CUX1: variants seen among roughly 807,000 people sequenced by gnomAD.
The protein encoded by CUX1 is protein CASP.
Under a neutral mutation model 158.8 loss-of-function variants are expected in CUX1, and 31 were observed. The observed-to-expected ratio is 0.20, with a 90% CI of 0.15 to 0.26. The LOEUF is 0.26. Among genes scored for constraint, CUX1 ranks in the 10% least tolerant of loss-of-function variants. The probability of loss-of-function intolerance (pLI) is 1.00; values close to 1 mark genes in which losing one functional copy is unlikely to be tolerated. For synonymous variants in CUX1, 879 were observed against 862.1 expected (o/e 1.02, Z -0.34); for missense variants, 1,589 against 2,014.6 (o/e 0.79, Z 4.04).
rs76797797 is a variant in CUX1 at position 101,878,065 on chromosome 7, C to G, written c.31-38050C>G. ...ACTTAGCAGTTTACACCCCTTCCCTCCAGCACTGGCTGCAGAGAGCCCTGT... is the reference window on the plus strand; with the variant it reads ...ACTTAGCAGTTTACACCCCTTCCCTGCAGCACTGGCTGCAGAGAGCCCTGT... On this transcript the variant is annotated intron_variant, in intron 1 of 23. Transcript: ENST00000292535. 8.1e-3 allele frequency among the ~76,000 whole-genome samples: 1,236 copies of G among 152,302 alleles called. 14 individuals carry two copies. Among genetic ancestry groups the G allele is most frequent in the African/African-American group, 0.028 (1,150 of 41,558 alleles).
rs1554503839 is a variant in CUX1 at position 102,152,417 on chromosome 7, T to TTGTTTTTG, written c.675-6142_675-6141insGTTTTTGT. On this transcript the variant is annotated intron_variant, in intron 8 of 23. Transcript: ENST00000292535. ...AACATACAGATTTTTGTTTGTTTGT[T>TTGTTTTTG]TTTGTTTGTTTGTTTTTTTGAGACA... Among the ~76,000 whole-genome samples the TTGTTTTTG allele has an allele frequency of 3.0e-3, 458 of 152,160 alleles. 3 individuals carry two copies. Among genetic ancestry groups the TTGTTTTTG allele is most frequent in the African/African-American group, 0.011 (445 of 41,490 alleles).
At chr7:102,117,357 C>CT (rs1222317714) in intron 8 of CUX1, among the ~76,000 whole-genome samples, 19 of 146,074 alleles carry the variant, frequency 1.3e-4, no homozygotes, top group African/African-American at 4.7e-4. Flanking sequence ...GAGATAGCAC[C>CT]ACTGCACCCC....
At position 102,097,360 on chromosome 7, in the gene CUX1, G is replaced by A. The variant is rs1554484559; in HGVS notation, c.269-4G>A. 6 of 1,606,846 alleles carry A rather than the reference G, an allele frequency of 3.7e-6. No individual in the cohort carries two copies. In the South Asian group the frequency reaches 4.5e-5, roughly 12 times the overall value. On this transcript the variant is annotated splice_region_variant and splice_polypyrimidine_tract_variant and intron_variant, in intron 4 of 23. Coordinates refer to ENST00000292535, the MANE Select transcript of CUX1 (RefSeq NM_181552.4). Reference sequence around the variant, plus strand: ...GGGGTGATGGCTGTTTTCCTGTTGTGCAGATCCCGTACCAGCTTTGGATCT... The same window carrying A: ...GGGGTGATGGCTGTTTTCCTGTTGTACAGATCCCGTACCAGCTTTGGATCT...
chr7:101,965,952 C>T (rs1263945207), intron 2 of CUX1, among the ~76,000 whole-genome samples: 2 of 148,554 alleles, frequency 1.3e-5, no homozygotes, highest in African/African-American at 5.0e-5. Flanking sequence ...CAGTTGGAAA[C>T]AAGCCAGCAG....
At chr7:102,115,142 A>G (rs1831307345) in intron 7 of CUX1, 65 bp from the exon 8 acceptor site, 4 of 1,363,258 alleles carry the variant, frequency 2.9e-6, no homozygotes, top group South Asian at 1.3e-5. Context: ...AAATGGGAAT[A>G]GATTACCTGT....
chr7:102,039,327 C>T (rs573292686), intron 3 of CUX1, among the ~76,000 whole-genome samples: 1 of 152,268 alleles, frequency 6.6e-6, no homozygotes, highest in East Asian at 1.9e-4. Flanking sequence ...TTGGTGTGCT[C>T]TGATACTGCT....
intron 2 of CUX1, among the ~76,000 whole-genome samples, chr7:101,951,033 G>T (rs1808999132): frequency 6.6e-6 from 1 of 152,126 alleles, no homozygotes; most frequent in African/African-American, 2.4e-5. Flanking sequence ...AACTTCGCTG[G>T]TTAAAATCTT....
At chr7:102,126,113 A>T (rs1832608738) in intron 8 of CUX1, among the ~76,000 whole-genome samples, 1 of 151,722 alleles carries the variant, frequency 6.6e-6, no homozygotes, top group Non-Finnish European at 1.5e-5. Context: ...TCTTGGGTTC[A>T]AGCGATTCTC....
At chr7:101,979,838 T>C (rs58306074) in intron 2 of CUX1, among the ~76,000 whole-genome samples, 1,974 of 152,282 alleles carry the variant, frequency 0.013, 48 homozygotes, top group African/African-American at 0.044. Flanking sequence ...TTAATAGAGA[T>C]AGGGTTTTAC....
chr7:102,255,968 G>A lies in CUX1; in HGVS notation c.*6926G>A, dbSNP rs1397021701. ...GTATTGCACACCAAATGAACTCAAA[G>A]TAAGCTTTAGACCAGGACGATTCAG... is the stretch of plus-strand genomic sequence containing the variant. On this transcript the variant is annotated 3_prime_UTR_variant, in exon 24 of 24. Coordinates refer to ENST00000292535, the MANE Select transcript of CUX1 (RefSeq NM_181552.4). 1.2e-5 allele frequency: 12 copies of A among 985,416 alleles called. No homozygotes were observed. Among genetic ancestry groups the A allele is most frequent in the Non-Finnish European group, 1.4e-5 (12 of 829,944 alleles). The allele number at this position is 985,416 out of a possible 1,614,324, so 61.0% of individuals were successfully genotyped here. A position where few individuals can be genotyped will look rare whatever the true frequency, so the allele number is the denominator to read the frequency against.
At chr7:102,008,470 C>T (rs1418563567) in intron 2 of CUX1, among the ~76,000 whole-genome samples, 1 of 152,144 alleles carries the variant, frequency 6.6e-6, no homozygotes, top group Non-Finnish European at 1.5e-5. Flanking sequence ...CTGCGCCTGT[C>T]TTTCGGCACA....
chr7:101,960,262 CAATT>C (rs1416482158), intron 2 of CUX1: 2 of 152,166 alleles, frequency 1.3e-5, no homozygotes, highest in Non-Finnish European at 2.9e-5. Context: ...GGAGGATTGG[CAATT>C]AATCGGATGA....
chr7:102,212,718 T>G (rs1247311121), intron 20 of CUX1, among the ~76,000 whole-genome samples: 1 of 129,642 alleles, frequency 7.7e-6, no homozygotes, highest in Non-Finnish European at 1.6e-5. Context: ...AGGACAGTCA[T>G]GCACCTAAAT....
At chr7:101,886,659 CAT>C (rs1456519768) in intron 1 of CUX1, among the ~76,000 whole-genome samples, 1 of 152,172 alleles carries the variant, frequency 6.6e-6, no homozygotes, top group African/African-American at 2.4e-5. Flanking sequence ...ACGTGCACTG[CAT>C]GCCTGGATAG....
intron 2 of CUX1, among the ~76,000 whole-genome samples, chr7:101,971,185 T>C (rs955119921): frequency 6.6e-6 from 1 of 152,202 alleles, no homozygotes; most frequent in Non-Finnish European, 1.5e-5. Flanking sequence ...TGAGTCTGGG[T>C]CGGTGTGACC....
At chr7:102,208,519 G>T (rs1796176427) in intron 20 of CUX1, among the ~76,000 whole-genome samples, 1 of 152,226 alleles carries the variant, frequency 6.6e-6, no homozygotes, top group Admixed American at 6.5e-5. Context: ...GGGATTATAG[G>T]CATGAGCCAC....
intron 14 of CUX1, among the ~76,000 whole-genome samples, chr7:102,270,638 C>A (rs1791144720): frequency 1.3e-5 from 2 of 152,230 alleles, no homozygotes; most frequent in Admixed American, 6.5e-5. Flanking sequence ...CCCCAAGCCA[C>A]CTCTTCAGGG....
intron 4 of CUX1, among the ~76,000 whole-genome samples, chr7:102,079,088 T>G (rs1447546473): frequency 5.9e-5 from 9 of 152,206 alleles, no homozygotes; most frequent in Non-Finnish European, 1.3e-4. Flanking sequence ...TTATACTTCT[T>G]TCTCCACTGC....
intron 2 of CUX1, among the ~76,000 whole-genome samples, chr7:102,008,073 G>GT (rs1231981378): frequency 1.3e-5 from 2 of 152,112 alleles, no homozygotes; most frequent in Non-Finnish European, 2.9e-5. Flanking sequence ...TTCCCAGCTG[G>GT]TATCTTCCAT....
Sources: allele counts gnomAD v4.1 joint callset (sites outside exome capture counted in the v4.1 genomes callset), GRCh38; gene constraint gnomAD v4.1.1; transcripts MANE v1.5; gene names NCBI Gene and HGNC (gene_info 2026-07-23, HGNC 2026-07-21).